Variants in RABGAP1L observed in about 807,000 individuals in gnomAD.
RABGAP1L encodes RAB GTPase activating protein 1 like, also known as rab GTPase-activating protein 1-like.
A neutral mutation model predicts 137.7 loss-of-function variants in RABGAP1L; 63 were observed. The ratio of observed to expected loss-of-function variants is 0.46; its 90% CI spans 0.37 to 0.56. The LOEUF is 0.56. RABGAP1L is among the 20% of genes least tolerant of loss of function. RABGAP1L has a pLI of 0.00. For synonymous variants in RABGAP1L, 431 were observed against 433.7 expected (o/e 0.99, Z 0.08); for missense variants, 1,095 against 1,244.0 (o/e 0.88, Z 1.80).
At chr1:174,169,684 A>G (rs1039938893) in intron 1 of RABGAP1L, among the ~76,000 whole-genome samples, 5 of 151,706 alleles carry the variant, frequency 3.3e-5, no homozygotes, top group Non-Finnish European at 5.9e-5. Flanking sequence ...ACCTTTAACA[A>G]TTTTTCCTTT....
At chr1:174,498,587 C>T (rs1660955462) in intron 13 of RABGAP1L, among the ~76,000 whole-genome samples, 1 of 151,810 alleles carries the variant, frequency 6.6e-6, no homozygotes, top group East Asian at 1.9e-4. Context: ...ACCTCTGCCT[C>T]CTGGGTTCAG....
chr1:174,415,124 T>C (rs1650398537), intron 13 of RABGAP1L, among the ~76,000 whole-genome samples: 1 of 152,148 alleles, frequency 6.6e-6, no homozygotes, highest in African/African-American at 2.4e-5. Flanking sequence ...AATTAATATA[T>C]TGTTCTTTTA....
intron 1 of RABGAP1L, among the ~76,000 whole-genome samples, chr1:174,195,983 G>T (rs1317482842): frequency 6.7e-6 from 1 of 149,402 alleles, no homozygotes; most frequent in Non-Finnish European, 1.5e-5. Flanking sequence ...TTACAGGCAT[G>T]CACCACCATG....
At position 174,415,139 on chromosome 1, in the gene RABGAP1L, T is replaced by C. The variant is rs1260794502; in HGVS notation, c.1710+20994T>C. ...AATTAATATATTGTTCTTTTAACAT[T>C]ATTCGTTAGATTGTTTCAAAGTATT... On this transcript the variant is annotated intron_variant, in intron 13 of 25. Transcript: ENST00000681986. Among the ~76,000 whole-genome samples the C allele has an allele frequency of 5.3e-5, 8 of 152,290 alleles. No homozygotes were observed. The East Asian group carries it at 1.5e-3, about 29-fold the overall frequency.
rs1684405419 is a variant in RABGAP1L, at chr1:174,752,321, C to T, written c.2178C>T (p.Asn726=). ...IIDLLLCEGL[N]IIFHVALALL... Reference sequence around the variant, plus strand: ...TTCTTTTTCTATTTCAGGGTTTGAACATAATCTTTCATGTAGCTTTGGCTC... The same window carrying T: ...TTCTTTTTCTATTTCAGGGTTTGAATATAATCTTTCATGTAGCTTTGGCTC... Residue 726 remains asparagine, a synonymous_variant, in exon 18 of 26, where the codon AAC becomes AAT. Coordinates refer to ENST00000681986, the MANE Select transcript of RABGAP1L (RefSeq NM_001366446.1). The T allele has an allele frequency of 5.7e-6, 9 of 1,585,902 alleles. No individual in the cohort carries two copies. Among genetic ancestry groups the T allele is most frequent in the Non-Finnish European group, 5.2e-6 (6 of 1,164,932 alleles).
intron 18 of RABGAP1L, among the ~76,000 whole-genome samples, chr1:174,764,057 A>T (rs1374715587): frequency 1.3e-5 from 2 of 152,150 alleles, no homozygotes; most frequent in African/African-American, 4.8e-5. Context: ...ATGGGATCAT[A>T]TGATAAGTGG....
intron 1 of RABGAP1L, among the ~76,000 whole-genome samples, chr1:174,170,092 A>G (rs978323276): frequency 6.6e-6 from 1 of 152,250 alleles, no homozygotes; most frequent in African/African-American, 2.4e-5. Context: ...GCAAGTAACT[A>G]CAAACATTTT....
At position 174,241,476 on chromosome 1, in the gene RABGAP1L, T is replaced by G; in HGVS notation, c.543-7T>G. On this transcript the variant is annotated splice_polypyrimidine_tract_variant and splice_region_variant and intron_variant, in intron 4 of 25. Coordinates refer to ENST00000681986, the MANE Select transcript of RABGAP1L (RefSeq NM_001366446.1). The stretch of plus-strand genomic sequence containing the variant: ...ATTTTATCTAACTTTTCATTACTGT[T>G]CTACAGAATTATAGACCAATCCAGC... 5 of 1,524,446 alleles carry G rather than the reference T, an allele frequency of 3.3e-6. No individual in the cohort carries two copies. Among genetic ancestry groups the G allele is most frequent in the Non-Finnish European group, 4.4e-6 (5 of 1,130,416 alleles). The allele number at this position is 1,524,446 out of a possible 1,614,324, so 94.4% of individuals were successfully genotyped here. A position where few individuals can be genotyped will look rare whatever the true frequency, so the allele number is the denominator to read the frequency against.
At chr1:174,954,955 T>C (rs1668297873) in intron 19 of RABGAP1L, among the ~76,000 whole-genome samples, 1 of 152,202 alleles carries the variant, frequency 6.6e-6, no homozygotes, top group South Asian at 2.1e-4. Flanking sequence ...TTAATGTATA[T>C]AGAGAAAATA....
intron 15 of RABGAP1L, among the ~76,000 whole-genome samples, chr1:174,686,040 C>G (rs1399365431): frequency 6.6e-6 from 1 of 152,014 alleles, no homozygotes; most frequent in African/African-American, 2.4e-5. Flanking sequence ...AGATTAAATC[C>G]CAGGAACAGC....
chr1:174,480,904 A>G (rs1408132993), intron 13 of RABGAP1L, among the ~76,000 whole-genome samples: 2 of 152,162 alleles, frequency 1.3e-5, no homozygotes, highest in East Asian at 3.9e-4. Flanking sequence ...ACTGTGCCTT[A>G]TAGTCCATAG....
At chr1:174,669,593 C>T (rs1335996601) in intron 14 of RABGAP1L, among the ~76,000 whole-genome samples, 1 of 152,110 alleles carries the variant, frequency 6.6e-6, no homozygotes, top group Non-Finnish European at 1.5e-5. Flanking sequence ...TCTTTATTTT[C>T]TTCTGGTAGT....
In RABGAP1L at chr1:174,831,605, G is replaced by A. The variant is rs574057836; in HGVS notation, c.2340+19645G>A. Among the ~76,000 whole-genome samples the A allele has an allele frequency of 2.2e-4, 32 of 148,084 alleles. 4 individuals carry two copies. The highest frequency in any genetic ancestry group is 3.6e-3 in the Middle Eastern group (1 of 280). On this transcript the variant is annotated intron_variant, in intron 19 of 25. Coordinates refer to ENST00000681986, the MANE Select transcript of RABGAP1L (RefSeq NM_001366446.1). ...TGTTCTTGTTTTAATTCATCTCAAG[G>A]TTCAGCATTAGTCATTTTATCCCAA...
At chr1:174,190,316 A>AAG (rs1667126079) in intron 1 of RABGAP1L, among the ~76,000 whole-genome samples, 3 of 150,884 alleles carry the variant, frequency 2.0e-5, no homozygotes, top group Non-Finnish European at 2.9e-5. Flanking sequence ...AAAAAAAAAA[A>AAG]AAAGAAAGAA....
chr1:174,740,575 T>G (rs1397444307), intron 17 of RABGAP1L, among the ~76,000 whole-genome samples: 4 of 152,210 alleles, frequency 2.6e-5, no homozygotes, highest in Non-Finnish European at 5.9e-5. Context: ...TATTGACTTC[T>G]TTTTCTTTGA....
At chr1:174,921,393 G>C (rs1661773379) in intron 19 of RABGAP1L, among the ~76,000 whole-genome samples, 1 of 152,158 alleles carries the variant, frequency 6.6e-6, no homozygotes, top group Non-Finnish European at 1.5e-5. Flanking sequence ...ATTGTGGACA[G>C]ATACATTTGT....
At chr1:174,678,958 C>T (rs1002481341) in intron 14 of RABGAP1L, among the ~76,000 whole-genome samples, 3 of 152,180 alleles carry the variant, frequency 2.0e-5, no homozygotes, top group Admixed American at 6.5e-5. Flanking sequence ...GGATGGCAAG[C>T]GAAAGCTCAG....
At chr1:174,247,937 TAAAAC>T (rs1220077378) in intron 5 of RABGAP1L, among the ~76,000 whole-genome samples, 5 of 152,172 alleles carry the variant, frequency 3.3e-5, no homozygotes, top group African/African-American at 1.2e-4. Flanking sequence ...CCCTGCTCCT[TAAAAC>T]AAAACTAAAT....
intron 19 of RABGAP1L, among the ~76,000 whole-genome samples, chr1:174,836,150 A>C (rs1206595736): frequency 1.3e-5 from 2 of 152,234 alleles, no homozygotes; most frequent in African/African-American, 4.8e-5. Context: ...CAAGAACATA[A>C]TTTTATTCCC....
Sources: allele counts gnomAD v4.1 joint callset (sites outside exome capture counted in the v4.1 genomes callset), GRCh38; gene constraint gnomAD v4.1.1; transcripts MANE v1.5; gene names NCBI Gene and HGNC (gene_info 2026-07-23, HGNC 2026-07-21).